CNTNAP5: variants seen among roughly 807,000 people sequenced by gnomAD.
CNTNAP5 encodes the protein contactin associated protein family member 5, also known as contactin-associated protein-like 5.
Under a neutral mutation model 150.2 loss-of-function variants are expected in CNTNAP5, and 72 were observed. The ratio of observed to expected loss-of-function variants is 0.48; its 90% CI spans 0.40 to 0.58. The LOEUF is 0.58. Among genes scored for constraint, CNTNAP5 ranks in the 20% least tolerant of loss-of-function variants. The probability of loss-of-function intolerance (pLI) is 0.00; values close to 1 mark genes in which losing one functional copy is unlikely to be tolerated. For synonymous variants in CNTNAP5, 672 were observed against 619.8 expected, an observed-to-expected ratio of 1.08 and a Z score of -1.25; for missense variants, 1,636 against 1,626.2, an observed-to-expected ratio of 1.01 and a Z score of -0.10.
intron 3 of CNTNAP5, among the ~76,000 whole-genome samples, chr2:124,407,226 C>T (rs192773240): frequency 3.7e-4 from 57 of 152,304 alleles, no homozygotes; most frequent in African/African-American, 1.3e-3. Flanking sequence ...GAGAGCTCAT[C>T]ATTCCTTCCT....
intron 12 of CNTNAP5, among the ~76,000 whole-genome samples, chr2:124,644,750 C>G (rs1678168406): frequency 6.6e-6 from 1 of 152,044 alleles, no homozygotes; most frequent in Non-Finnish European, 1.5e-5. Context: ...TGCTGTCTCC[C>G]AGGAGAACAG....
chr2:124,376,506 C>A (rs1690653075), intron 3 of CNTNAP5, among the ~76,000 whole-genome samples: 1 of 152,058 alleles, frequency 6.6e-6, no homozygotes, highest in South Asian at 2.1e-4. Context: ...TTTTCATGAT[C>A]TTTATGAGTG....
intron 6 of CNTNAP5, among the ~76,000 whole-genome samples, chr2:124,470,426 C>T (rs547854976): frequency 4.9e-4 from 74 of 151,820 alleles, no homozygotes; most frequent in Non-Finnish European, 9.3e-4. Context: ...TTGTTTTTTT[C>T]TAGTAAATTT....
chr2:124,697,618 A>AAAG (rs1679430818), intron 13 of CNTNAP5, among the ~76,000 whole-genome samples: 1 of 151,762 alleles, frequency 6.6e-6, no homozygotes, highest in Non-Finnish European at 1.5e-5. Context: ...TTTGAAAAAA[A>AAAG]AAAAAAAAAA....
intron 10 of CNTNAP5, among the ~76,000 whole-genome samples, chr2:124,545,251 A>T (rs1248855799): frequency 6.6e-6 from 1 of 152,178 alleles, no homozygotes; most frequent in Non-Finnish European, 1.5e-5. Flanking sequence ...AGTTATTGAC[A>T]GAACTCCCAA....
intron 1 of CNTNAP5, among the ~76,000 whole-genome samples, chr2:124,054,168 A>G (rs1189508983): frequency 2.0e-5 from 3 of 152,178 alleles, no homozygotes; most frequent in Non-Finnish European, 4.4e-5. Context: ...CAATTCAAGC[A>G]TAAAAGAGAC....
chr2:124,569,686 C>A (rs891207918), intron 11 of CNTNAP5, among the ~76,000 whole-genome samples: 1 of 152,156 alleles, frequency 6.6e-6, no homozygotes, highest in Non-Finnish European at 1.5e-5. Context: ...ACAGTGTAGG[C>A]TCTCTGACAT....
intron 17 of CNTNAP5, among the ~76,000 whole-genome samples, chr2:124,781,364 G>A (rs1681447459): frequency 6.6e-6 from 1 of 152,136 alleles, no homozygotes; most frequent in South Asian, 2.1e-4. Context: ...GCGGAGGCAG[G>A]CCCCAGGCTC....
At chr2:124,543,670 A>T (rs2104909017) in intron 10 of CNTNAP5, among the ~76,000 whole-genome samples, 1 of 152,218 alleles carries the variant, frequency 6.6e-6, no homozygotes, top group Admixed American at 6.5e-5. Flanking sequence ...TGTTTTTTAG[A>T]TTTATTTATT....
At chr2:124,645,154 G>T (rs547730327) in intron 12 of CNTNAP5, among the ~76,000 whole-genome samples, 2 of 152,202 alleles carry the variant, frequency 1.3e-5, no homozygotes, top group African/African-American at 4.8e-5. Context: ...GTCTATACTG[G>T]TATGAATAAC....
chr2:124,630,566 A>T (rs1677830951), intron 12 of CNTNAP5, among the ~76,000 whole-genome samples: 1 of 152,202 alleles, frequency 6.6e-6, no homozygotes, highest in African/African-American at 2.4e-5. Flanking sequence ...TATTGAAGGA[A>T]CATACCTCAA....
intron 19 of CNTNAP5, among the ~76,000 whole-genome samples, chr2:124,846,554 C>T (rs1467766364): frequency 1.3e-5 from 2 of 152,156 alleles, no homozygotes; most frequent in Non-Finnish European, 2.9e-5. Flanking sequence ...AATTGACCTT[C>T]TGAGTTCTTT....
At chr2:124,035,910 CTTTTT>C (rs759598012) in intron 1 of CNTNAP5, among the ~76,000 whole-genome samples, 1 of 76,528 alleles carries the variant, frequency 1.3e-5, no homozygotes, top group Non-Finnish European at 2.2e-5. Flanking sequence ...AGGATGAACT[CTTTTT>C]TTTTTTTTTT....
At chr2:124,053,784 A>G (rs1681773507) in intron 1 of CNTNAP5, among the ~76,000 whole-genome samples, 1 of 152,142 alleles carries the variant, frequency 6.6e-6, no homozygotes, top group South Asian at 2.1e-4. Context: ...ATGTTGCATT[A>G]CTAGGAGATT....
chr2:124,473,579 A>G (rs910042869), intron 6 of CNTNAP5, among the ~76,000 whole-genome samples: 1 of 152,026 alleles, frequency 6.6e-6, no homozygotes, highest in Non-Finnish European at 1.5e-5. Context: ...ATAAGAAGAC[A>G]TTCTGATTGG....
Position 124,214,991 on chromosome 2 carries a change from G to A in CNTNAP5, c.83-6714G>A, listed in dbSNP as rs141226882. Among the ~76,000 whole-genome samples the A allele has an allele frequency of 3.8e-3, 580 of 152,236 alleles. 5 individuals carry two copies. The highest frequency in any genetic ancestry group is 0.013 in the African/African-American group (559 of 41,542). On this transcript the variant is annotated intron_variant, in intron 1 of 23. Transcript: ENST00000682447. ...TAGGGTTTCATCGTGAAGAATGGGG[G>A]CAGGGTCAGATTCAAGAGTAATATT... is the stretch of plus-strand genomic sequence containing the variant.
At chr2:124,236,245 C>T (rs980899468) in intron 2 of CNTNAP5, among the ~76,000 whole-genome samples, 5 of 152,144 alleles carry the variant, frequency 3.3e-5, no homozygotes, top group African/African-American at 1.2e-4. Flanking sequence ...GGATTACAGG[C>T]GTGAGCCAAG....
At chr2:124,123,258 A>C (rs547598309) in intron 1 of CNTNAP5, among the ~76,000 whole-genome samples, 40 of 152,310 alleles carry the variant, frequency 2.6e-4, no homozygotes, top group African/African-American at 9.1e-4. Context: ...ATTATATCCC[A>C]TGCCTGGCTC....
chr2:124,334,790 T>C (rs568553651), intron 3 of CNTNAP5, among the ~76,000 whole-genome samples: 50 of 152,258 alleles, frequency 3.3e-4, no homozygotes, highest in Non-Finnish European at 6.2e-4. Flanking sequence ...TAAATGCCAA[T>C]TGTGTAATTG....
Sources: allele counts gnomAD v4.1 joint callset (sites outside exome capture counted in the v4.1 genomes callset), GRCh38; gene constraint gnomAD v4.1.1; transcripts MANE v1.5; gene names NCBI Gene and HGNC (gene_info 2026-07-23, HGNC 2026-07-21).